The following ZNF528 variants were observed in gnomAD, a reference collection of about 807,000 sequenced individuals.
ZNF528 encodes zinc finger protein 528.
A neutral mutation model predicts 13.3 loss-of-function variants in ZNF528; 9 were observed. The observed-to-expected ratio is 0.67, with a 90% CI of 0.41 to 1.18. The LOEUF (loss-of-function observed/expected upper bound fraction) is 1.18, where lower values mean the gene tolerates loss of function less well. ZNF528 is among the 50% of genes most tolerant of loss of function. The pLI, the probability that ZNF528 is intolerant of heterozygous loss-of-function variation, is 0.01. For synonymous variants in ZNF528, 264 were observed against 254.3 expected (o/e 1.04, Z -0.36); for missense variants, 858 against 745.4 (o/e 1.15, Z -1.76).
At position 52,416,242 on chromosome 19, in the gene ZNF528, C is replaced by T; in HGVS notation, c.1390C>T (p.Pro464Ser). 1 of 1,613,826 alleles carries T rather than the reference C, an allele frequency of 6.2e-7. No homozygotes were observed. Among genetic ancestry groups the T allele is most frequent in the Non-Finnish European group, 8.5e-7 (1 of 1,179,896 alleles). ...TTTTCTAATCCATAGTGGAGAGAAACCTTATGAATGTAAAGAATGTGGCAA... is the reference window on the plus strand; with the variant it reads ...TTTTCTAATCCATAGTGGAGAGAAATCTTATGAATGTAAAGAATGTGGCAA... ...AHFLIHSGEK[P>S]YECKECGKVF... Residue 464 changes from proline to serine, a missense_variant, in exon 7 of 7, where the codon CCT becomes TCT. Pro to Ser is a moderately conservative substitution (Grantham distance 74). Transcript: ENST00000360465.
At position 52,398,544 on chromosome 19, in the gene ZNF528, C is replaced by T. The variant is rs1033543006; in HGVS notation, c.-212C>T. 17 of 982,578 alleles carry T rather than the reference C, an allele frequency of 1.7e-5. No individual in the cohort carries two copies. Among genetic ancestry groups the T allele is most frequent in the Non-Finnish European group, 2.1e-5 (17 of 827,820 alleles). 60.9% of individuals were successfully genotyped at this position (982,578 alleles called of 1,614,324 possible). A position where few individuals can be genotyped will look rare whatever the true frequency, so the allele number is the denominator to read the frequency against. On this transcript the variant is annotated 5_prime_UTR_variant, in exon 2 of 7. The change creates a new upstream start codon in the 5' untranslated region. Coordinates refer to ENST00000360465, the MANE Select transcript of ZNF528 (RefSeq NM_032423.3). ...ATGTGTGGAGAAAAAGAGATGGGAA[C>T]GAGGCAGAGGAAATAGAGAAATTTT...
intron 4 of ZNF528, among the ~76,000 whole-genome samples, chr19:52,403,220 A>C (rs1020003139): frequency 3.3e-5 from 5 of 152,160 alleles, no homozygotes; most frequent in Non-Finnish European, 5.9e-5. Context: ...TTAGTTTCCC[A>C]CTTGGGAGGC....
At position 52,415,704 on chromosome 19, in the gene ZNF528, T is replaced by C; in HGVS notation, c.852T>C (p.Leu284=). Residue 284 remains leucine, a synonymous_variant, in exon 7 of 7, where the codon CTT becomes CTC. Transcript: ENST00000360465. ...CDKVFRSSSK[L]AQHQRIHTGE... ...AGGTCTTTCGAAGCAGTTCAAAGCT[T>C]GCACAACATCAAAGAATTCATACTG... is the stretch of plus-strand genomic sequence containing the variant. The C allele has an allele frequency of 6.2e-7, 1 of 1,614,110 alleles. No homozygotes were observed. Among genetic ancestry groups the C allele is most frequent in the Non-Finnish European group, 8.5e-7 (1 of 1,179,990 alleles).
In ZNF528 at chr19:52,406,588, A is replaced by C. The variant is rs992631728; in HGVS notation, c.216A>C (p.Glu72Asp). 4 of 1,614,014 alleles carry C rather than the reference A, an allele frequency of 2.5e-6. No individual in the cohort carries two copies. Among genetic ancestry groups the C allele is most frequent in the African/African-American group, 1.3e-5 (1 of 74,922 alleles). The change falls in exon 6 of 7, where the codon GAA (glutamate) becomes GAC (aspartate). Residue 72 changes from glutamate to aspartate, a missense_variant. Transcript: ENST00000360465. ...GAGATCCCTGGACTCTGCAGAGTGA[A>C]GAGAAAATAGCAAACGATCCAGACG... ...QKRDPWTLQSEEKIANDPDGR... is the reference protein window; with the variant it reads ...QKRDPWTLQSDEKIANDPDGR...
At chr19:52,414,622 C>T (rs1184741733) in intron 6 of ZNF528, 1 of 408,792 alleles carries the variant, frequency 2.4e-6, no homozygotes, top group Non-Finnish European at 4.5e-6. Context: ...TGGTGTCAGG[C>T]GCAGTCGTGA....
rs372478426 is a variant in ZNF528 at position 52,401,972 on chromosome 19, T to C, written c.-42T>C. ...GATTCACTTCCAAAGAGACATATTA[T>C]GCAAGGAAGCAACTTGGAAGAGGAA... On this transcript the variant is annotated 5_prime_UTR_variant, in exon 4 of 7. The change abolishes an upstream ATG in the 5' untranslated region. Coordinates refer to ENST00000360465, the MANE Select transcript of ZNF528 (RefSeq NM_032423.3). 6.8e-6 allele frequency: 11 copies of C among 1,613,974 alleles called. No homozygotes were observed. The highest frequency in any genetic ancestry group is 8.5e-6 in the Non-Finnish European group (10 of 1,180,008).
Position 52,402,004 on chromosome 19 carries a change from G to T in ZNF528, c.-10G>T. On this transcript the variant is annotated 5_prime_UTR_variant, in exon 4 of 7. An upstream open reading frame in the 5' UTR gains an earlier in-frame stop. Coordinates refer to ENST00000360465, the MANE Select transcript of ZNF528 (RefSeq NM_032423.3). ...AAGCAACTTGGAAGAGGAAAGAAAAGAAGTCAGGAATGGCCCTTACTCAGG... is the reference window on the plus strand; with the variant it reads ...AAGCAACTTGGAAGAGGAAAGAAAATAAGTCAGGAATGGCCCTTACTCAGG... The T allele has an allele frequency of 6.2e-7, 1 of 1,614,146 alleles. No individual in the cohort carries two copies. The highest frequency in any genetic ancestry group is 1.6e-4 in the Middle Eastern group (1 of 6,062).
intron 6 of ZNF528, chr19:52,413,736 G>A (rs956495643): frequency 6.6e-6 from 1 of 152,620 alleles, no homozygotes; most frequent in East Asian, 1.9e-4. Flanking sequence ...ATCTGTGGGT[G>A]GGACAACAGA....
In ZNF528 at chr19:52,415,906, C is replaced by A. The variant is rs752626207; in HGVS notation, c.1054C>A (p.Pro352Thr). ...TCAAACGGTTCATACTGGTGAGAAACCTTACAAATGTGAAGAATGTGGCAA... is the reference window on the plus strand; with the variant it reads ...TCAAACGGTTCATACTGGTGAGAAAACTTACAAATGTGAAGAATGTGGCAA... ...EHQTVHTGEK[P>T]YKCEECGKAF... The change falls in exon 7 of 7, where the codon CCT (proline) becomes ACT (threonine). Residue 352 changes from proline (P) to threonine (T), a missense_variant. Coordinates refer to ENST00000360465, the MANE Select transcript of ZNF528 (RefSeq NM_032423.3). 3.1e-6 allele frequency: 5 copies of A among 1,614,018 alleles called. No homozygotes were observed. The South Asian group carries it at 5.5e-5, about 18-fold the overall frequency.
intron 6 of ZNF528, chr19:52,412,581 G>A (rs1336281124): frequency 6.6e-6 from 1 of 152,140 alleles, no homozygotes; most frequent in Non-Finnish European, 1.5e-5. Flanking sequence ...GAGGGGCCCG[G>A]GTCCAGGCCA....
intron 6 of ZNF528, among the ~76,000 whole-genome samples, chr19:52,408,732 A>C (rs2058891064): frequency 6.6e-6 from 1 of 151,436 alleles, no homozygotes; most frequent in Admixed American, 6.6e-5. Context: ...ACGCCCAACT[A>C]GTTTTTGTAT....
intron 6 of ZNF528, chr19:52,413,239 A>T (rs748174814): frequency 6.6e-6 from 1 of 152,202 alleles, no homozygotes; most frequent in African/African-American, 2.4e-5. Context: ...AATAAGGGTC[A>T]TTACTCAATA....
At chr19:52,414,567 T>G (rs1025630157) in intron 6 of ZNF528, 2 of 489,334 alleles carry the variant, frequency 4.1e-6, no homozygotes, top group African/African-American at 3.9e-5. Flanking sequence ...GTAGATAATT[T>G]CAATGAGCAT....
In ZNF528 at chr19:52,401,689, A is replaced by G. The variant is rs1568677329; in HGVS notation, c.-132A>G. 2 of 1,209,844 alleles carry G rather than the reference A, an allele frequency of 1.7e-6. No individual in the cohort carries two copies. The highest frequency in any genetic ancestry group is 2.5e-4 in the Middle Eastern group (1 of 3,974). 74.9% of individuals were successfully genotyped at this position (1,209,844 alleles called of 1,614,324 possible). A position where few individuals can be genotyped will look rare whatever the true frequency, so the allele number is the denominator to read the frequency against. On this transcript the variant is annotated 5_prime_UTR_variant, in exon 3 of 7. Transcript: ENST00000360465. ...TTTTTTTTTTTTTTTTTTTAGGTTCACAAATTTTAAGAAAGGGAGAATAAA... is the reference window on the plus strand; with the variant it reads ...TTTTTTTTTTTTTTTTTTTAGGTTCGCAAATTTTAAGAAAGGGAGAATAAA...
Position 52,416,340 on chromosome 19 carries a change from C to T in ZNF528, c.1488C>T (p.Asn496=), listed in dbSNP as rs745593559. The change falls in exon 7 of 7, where the codon AAC becomes AAT. Residue 496 remains asparagine, a synonymous_variant. Transcript: ENST00000360465. The part of the protein sequence containing the change: ...IHTGEKPYKC[N]RCGKVFSRSS... ...CTGGAGAGAAGCCTTACAAATGTAA[C>T]AGATGTGGCAAGGTCTTCAGTCGCA... 5 of 1,613,734 alleles carry T rather than the reference C, an allele frequency of 3.1e-6. No homozygotes were observed. The South Asian group carries it at 5.5e-5, about 18-fold the overall frequency.
rs778835028 is a variant in ZNF528 at position 52,415,594 on chromosome 19, A to G, written c.742A>G (p.Lys248Glu). The change falls in exon 7 of 7, where the codon AAG becomes GAG. Residue 248 changes from lysine (K) to glutamate (E), a missense_variant. By Grantham distance (56) the Lys-to-Glu change is moderately conservative. Coordinates refer to ENST00000360465, the MANE Select transcript of ZNF528 (RefSeq NM_032423.3). The stretch of plus-strand genomic sequence containing the variant: ...GCCTTACAAATGTCATGAATGTGGC[A>G]AGCTCTTCAGTAGCAATTCAAACCT... ...EKPYKCHECG[K>E]LFSSNSNLSQ... 1 of 1,614,220 alleles carries G rather than the reference A, an allele frequency of 6.2e-7. No individual in the cohort carries two copies. The highest frequency in any genetic ancestry group is 1.3e-5 in the African/African-American group (1 of 75,074).
chr19:52,417,507 GT>G lies in ZNF528; in HGVS notation c.*769del, dbSNP rs1410308124. 3 of 152,956 alleles carry G rather than the reference GT, an allele frequency of 2.0e-5. No homozygotes were observed. The Admixed American group carries it at 2.0e-4, about 10-fold the overall frequency. The allele number at this position is 152,956 out of a possible 1,614,324, so 9.5% of individuals were successfully genotyped here. A position where few individuals can be genotyped will look rare whatever the true frequency, so the allele number is the denominator to read the frequency against. On this transcript the variant is annotated 3_prime_UTR_variant, in exon 7 of 7. Transcript: ENST00000360465. Reference sequence around the variant, plus strand: ...GGCATAGGTTATTAGTGGGAAGAGAGTAATAGGTTGCTAGTGTCTGATTATA... The same window carrying G: ...GGCATAGGTTATTAGTGGGAAGAGAGAATAGGTTGCTAGTGTCTGATTATA...
At chr19:52,404,232 T>A (rs897466054) in intron 4 of ZNF528, among the ~76,000 whole-genome samples, 3 of 152,122 alleles carry the variant, frequency 2.0e-5, no homozygotes, top group African/African-American at 7.2e-5. Context: ...TCTTTCTTCT[T>A]TTGTTTGTTT....
chr19:52,409,397 G>A (rs938226785), intron 6 of ZNF528, among the ~76,000 whole-genome samples: 4 of 150,894 alleles, frequency 2.7e-5, no homozygotes, highest in South Asian at 2.1e-4. Flanking sequence ...TCCACCTCCC[G>A]GGTTTAAGCG....
Sources: gnomAD v4.1 joint callset for allele counts (sites outside exome capture counted in the v4.1 genomes callset) on GRCh38, gnomAD v4.1.1 for gene constraint, MANE v1.5 for transcripts, NCBI Gene and HGNC (gene_info 2026-07-23, HGNC 2026-07-21) for gene names.